Variants in RAB36 observed in about 807,000 individuals in gnomAD.
RAB36 encodes the protein ras-related protein Rab-36.
A neutral mutation model predicts 39.3 loss-of-function variants in RAB36; 33 were observed. The ratio of observed to expected loss-of-function variants is 0.84; its 90% confidence interval spans 0.64 to 1.12. RAB36 has a LOEUF of 1.12. Among genes scored for constraint, RAB36 ranks in the 50% most tolerant of loss-of-function variants. The pLI, the probability that RAB36 is intolerant of heterozygous loss-of-function variation, is 0.00. For synonymous variants in RAB36, 133 were observed against 140.2 expected, an observed-to-expected ratio of 0.95 and a Z score of 0.36; for missense variants, 308 against 355.3, an observed-to-expected ratio of 0.87 and a Z score of 1.07.
downstream of RAB36, among the ~76,000 whole-genome samples, chr22:23,169,005 G>A (rs182832802): frequency 2.0e-4 from 31 of 152,328 alleles, no homozygotes; most frequent in East Asian, 5.8e-3. Context: ...TCTTGTCCCA[G>A]CAATTTCGCC....
At chr22:23,158,783 C>T in intron 7 of RAB36, 115 bp from the exon 8 acceptor site, 1 of 912,812 alleles carries the variant, frequency 1.1e-6, no homozygotes, top group Non-Finnish European at 1.8e-6. Flanking sequence ...AGGAAGCCCT[C>T]CTTGTCCCTC....
chr22:23,165,448 G>A lies in RAB36; in HGVS notation c.*3884G>A, dbSNP rs546823183. 1.2e-4 allele frequency among the ~76,000 whole-genome samples: 18 copies of A among 152,308 alleles called. No individual in the cohort carries two copies. In the South Asian group the frequency reaches 3.5e-3, roughly 30 times the overall value. On this transcript the variant is annotated 3_prime_UTR_variant, in exon 11 of 11. Transcript: ENST00000263116. ...GGTTTGGGGCTGGAGGATATGTTCT[G>A]ATCTTGGGAAGAGCTTGGTAGGAGC...
intron 6 of RAB36, among the ~76,000 whole-genome samples, chr22:23,156,777 C>T (rs1331495128): frequency 6.6e-6 from 1 of 152,226 alleles, no homozygotes; most frequent in African/African-American, 2.4e-5. Flanking sequence ...CAGCTCTGCC[C>T]TGGTCGCATG....
rs560598949 is a variant in RAB36 at position 23,162,608 on chromosome 22, C to T, written c.*1044C>T. ...AGAAATACCCCACACATTCCCCAGCCTCTCTGCCCAGTATGCTCATCCACA... is the reference window on the plus strand; with the variant it reads ...AGAAATACCCCACACATTCCCCAGCTTCTCTGCCCAGTATGCTCATCCACA... On this transcript the variant is annotated 3_prime_UTR_variant, in exon 11 of 11. Coordinates refer to ENST00000263116, the MANE Select transcript of RAB36 (RefSeq NM_004914.5). 2.0e-5 allele frequency: 9 copies of T among 455,534 alleles called. No homozygotes were observed. The highest frequency in any genetic ancestry group is 1.2e-4 in the African/African-American group (6 of 50,168). 28.2% of individuals were successfully genotyped at this position (455,534 alleles called of 1,614,324 possible).
chr22:23,147,755 G>A (rs892415151), intron 2 of RAB36, among the ~76,000 whole-genome samples: 2 of 152,180 alleles, frequency 1.3e-5, no homozygotes, highest in African/African-American at 4.8e-5. Flanking sequence ...AAACATCCTC[G>A]GAGAGGGGAC....
At chr22:23,169,137 G>C (rs1412069789), downstream of RAB36, among the ~76,000 whole-genome samples, 1 of 152,232 alleles carries the variant, frequency 6.6e-6, no homozygotes, top group Non-Finnish European at 1.5e-5. Flanking sequence ...CCCAGGTCTG[G>C]AAGGGAAGGT....
Position 23,164,572 on chromosome 22 carries a change from T to A in RAB36, c.*3008T>A, listed in dbSNP as rs6003527. The stretch of plus-strand genomic sequence containing the variant: ...ATGATTTAATGAAGACATTTCCTTC[T>A]TTCCCAGCATCGGGCAGTAAGTTTC... On this transcript the variant is annotated 3_prime_UTR_variant, in exon 11 of 11. Coordinates refer to ENST00000263116, the MANE Select transcript of RAB36 (RefSeq NM_004914.5). Among the ~76,000 whole-genome samples, 139,617 of 152,206 alleles carry A rather than the reference T, an allele frequency of 0.92. 64,207 individuals are homozygous for A. The highest frequency in any genetic ancestry group is 0.98 in the African/African-American group (40,710 of 41,558).
chr22:23,152,006 C>T lies in RAB36; in HGVS notation c.162-455C>T, dbSNP rs116367882. 3.8e-3 allele frequency among the ~76,000 whole-genome samples: 582 copies of T among 152,318 alleles called. 5 individuals carry two copies. Among genetic ancestry groups the T allele is most frequent in the African/African-American group, 0.013 (540 of 41,578 alleles). ...CCGGAGCCCACATCGGCGCACAGCC[C>T]CGGGGGTGCATAGGAGGGTGAGGGG... On this transcript the variant is annotated intron_variant, in intron 3 of 10. Transcript: ENST00000263116.
At chr22:23,150,304 C>CTT (rs1209181462) in intron 3 of RAB36, 150 bp downstream of exon 3, 699 of 442,402 alleles carry the variant, frequency 1.6e-3, no homozygotes, top group Non-Finnish European at 1.8e-3. Flanking sequence ...TTTTTTTTTT[C>CTT]TTTTTTTTTT....
In RAB36 at chr22:23,158,888, T is replaced by TA. The variant is rs1247042915; in HGVS notation, c.447-9dup. The stretch of plus-strand genomic sequence containing the variant: ...GGGTGAATCTCTCAGCCTCTCTCCT[T>TA]ACACTCCAGGCAGTGGTTGGAGGAT... On this transcript the variant is annotated splice_polypyrimidine_tract_variant and intron_variant, in intron 7 of 10. Coordinates refer to ENST00000263116, the MANE Select transcript of RAB36 (RefSeq NM_004914.5). 6.2e-7 allele frequency: 1 copy of TA among 1,613,118 alleles called. No individual in the cohort carries two copies. Among genetic ancestry groups the TA allele is most frequent in the Non-Finnish European group, 8.5e-7 (1 of 1,179,222 alleles).
At chr22:23,154,535 G>A (rs898004822) in intron 5 of RAB36, among the ~76,000 whole-genome samples, 1 of 152,228 alleles carries the variant, frequency 6.6e-6, no homozygotes, top group African/African-American at 2.4e-5. Flanking sequence ...GCTGAGAAGA[G>A]CAAAGGGCCA....
rs551777159 is a variant in RAB36 at position 23,146,387 on chromosome 22, T to G, written c.-12-218T>G. Among the ~76,000 whole-genome samples the G allele has an allele frequency of 1.3e-3, 192 of 151,842 alleles. 1 individual carries two copies. Among genetic ancestry groups the G allele is most frequent in the Middle Eastern group, 0.01 (3 of 294 alleles). On this transcript the variant is annotated intron_variant, in intron 1 of 10. Transcript: ENST00000263116. Reference sequence around the variant, plus strand: ...ATGCCCTGCTAATTTTTTTGGTTTTTTTTTGTAGAGACTGAGGTTTCACTT... The same window carrying G: ...ATGCCCTGCTAATTTTTTTGGTTTTGTTTTGTAGAGACTGAGGTTTCACTT...
chr22:23,155,827 C>T lies in RAB36; in HGVS notation c.330-141C>T, dbSNP rs976489066. On this transcript the variant is annotated intron_variant, in intron 5 of 10. Coordinates refer to ENST00000263116, the MANE Select transcript of RAB36 (RefSeq NM_004914.5). ...GAGCTGGGGGTAGGGACATCTGGCT[C>T]ACAACAGGCACTTCCTGAAGCCCAT... The T allele has an allele frequency of 3.5e-5, 24 of 682,252 alleles. 1 individual carries two copies. The highest frequency in any genetic ancestry group is 1.7e-4 in the African/African-American group (9 of 53,018). The allele number at this position is 682,252 out of a possible 1,614,324, so 42.3% of individuals were successfully genotyped here. A position where few individuals can be genotyped will look rare whatever the true frequency, so the allele number is the denominator to read the frequency against.
chr22:23,155,027 A>T (rs2071377433), intron 5 of RAB36, among the ~76,000 whole-genome samples: 1 of 152,208 alleles, frequency 6.6e-6, no homozygotes, highest in African/African-American at 2.4e-5. Flanking sequence ...TGGGAGGCTG[A>T]GGCAGGAGAA....
chr22:23,166,147 T>TAAAAAAAAAAAAAAA (rs695297), downstream of RAB36, among the ~76,000 whole-genome samples: 5 of 59,888 alleles, frequency 8.3e-5, no homozygotes, highest in African/African-American at 3.6e-4. Flanking sequence ...CTCTGTCTTT[T>TAAAAAAAAAAAAAAA]AAAAAAAAAA....
intron 5 of RAB36, among the ~76,000 whole-genome samples, chr22:23,154,714 T>C (rs2071360760): frequency 6.6e-6 from 1 of 152,128 alleles, no homozygotes; most frequent in South Asian, 2.1e-4. Flanking sequence ...TACGGGCTCA[T>C]CTCTAGGCCA....
chr22:23,159,059 G>A (rs2071625096), intron 8 of RAB36, 80 bp downstream of exon 8: 2 of 1,581,842 alleles, frequency 1.3e-6, no homozygotes, highest in East Asian at 2.3e-5. Context: ...GGAGCCATGG[G>A]GAGGGAGGGA....
intron 9 of RAB36, among the ~76,000 whole-genome samples, chr22:23,159,748 C>T (rs1317417405): frequency 1.3e-5 from 2 of 152,210 alleles, no homozygotes; most frequent in Non-Finnish European, 2.9e-5. Flanking sequence ...GTGACAGGGG[C>T]TCCCATCCCT....
chr22:23,158,823 C>A, intron 7 of RAB36, 75 bp from the exon 8 acceptor site: 1 of 1,371,108 alleles, frequency 7.3e-7, no homozygotes, highest in Non-Finnish European at 1.0e-6. Flanking sequence ...CTGGGGAGGT[C>A]CCAAGTGTGC....
Sources: allele counts gnomAD v4.1 joint callset (sites outside exome capture counted in the v4.1 genomes callset), GRCh38; gene constraint gnomAD v4.1.1; transcripts MANE v1.5; gene names NCBI Gene and HGNC (gene_info 2026-07-23, HGNC 2026-07-21).